Variants in MACROD2 observed in about 807,000 individuals in gnomAD.
The protein encoded by MACROD2 is mono-ADP ribosylhydrolase 2.
In MACROD2, 36 loss-of-function variants were observed where a neutral mutation model predicts 70.4. That is an observed-to-expected ratio of 0.51 (90% CI 0.39 to 0.68). MACROD2 has a LOEUF of 0.68. MACROD2 is among the 30% of genes least tolerant of loss of function. The pLI is 0.00. For missense variants in MACROD2, 496 were observed against 538.4 expected, an observed-to-expected ratio of 0.92 and a Z score of 0.78; for synonymous variants, 172 against 178.8, an observed-to-expected ratio of 0.96 and a Z score of 0.30.
chr20:14,437,772 C>A (rs998810790), intron 3 of MACROD2, among the ~76,000 whole-genome samples: 2 of 152,068 alleles, frequency 1.3e-5, no homozygotes, highest in African/African-American at 4.8e-5. Context: ...ACTCAAAATA[C>A]ATTTTCAGTA....
intron 17 of MACROD2, among the ~76,000 whole-genome samples, chr20:16,046,298 T>A (rs1770935717): frequency 6.6e-6 from 1 of 152,082 alleles, no homozygotes; most frequent in Non-Finnish European, 1.5e-5. Flanking sequence ...CTAAAAAGTA[T>A]AAGCTCATAC....
chr20:15,495,015 A>G (rs1273344391), intron 7 of MACROD2, among the ~76,000 whole-genome samples: 1 of 152,130 alleles, frequency 6.6e-6, no homozygotes, highest in Non-Finnish European at 1.5e-5. Context: ...TAAATTATTC[A>G]TGGCTTGTTC....
chr20:15,996,332 C>T (rs954812499), intron 15 of MACROD2, among the ~76,000 whole-genome samples: 7 of 152,038 alleles, frequency 4.6e-5, no homozygotes, highest in South Asian at 2.1e-4. Context: ...ACTGAGGTCT[C>T]GGTATCAACA....
chr20:14,483,563 C>T (rs1413977226), intron 3 of MACROD2, among the ~76,000 whole-genome samples: 3 of 152,038 alleles, frequency 2.0e-5, no homozygotes, highest in Non-Finnish European at 2.9e-5. Flanking sequence ...TGTGCCGCCA[C>T]GCCTGGCTTA....
chr20:14,550,506 C>T (rs1978582601), intron 4 of MACROD2, among the ~76,000 whole-genome samples: 4 of 152,124 alleles, frequency 2.6e-5, no homozygotes, highest in Admixed American at 2.6e-4. Flanking sequence ...GAAGAGAAGA[C>T]ATAAGTCTGT....
At chr20:15,410,052 T>A (rs2046055715) in intron 6 of MACROD2, among the ~76,000 whole-genome samples, 1 of 152,066 alleles carries the variant, frequency 6.6e-6, no homozygotes, top group African/African-American at 2.4e-5. Context: ...TCTTTTTCTT[T>A]AAAAAAAATC....
intron 8 of MACROD2, among the ~76,000 whole-genome samples, chr20:15,801,065 G>A (rs1362067917): frequency 6.7e-6 from 1 of 149,764 alleles, no homozygotes; most frequent in African/African-American, 2.5e-5. Flanking sequence ...AGTCCGCAGG[G>A]TCCTCTGCCT....
chr20:14,116,981 C>T (rs995355457), intron 3 of MACROD2, among the ~76,000 whole-genome samples: 1 of 150,834 alleles, frequency 6.6e-6, no homozygotes, highest in Non-Finnish European at 1.5e-5. Flanking sequence ...GCAGGAGAAT[C>T]GCTTGAACCC....
chr20:15,181,119 C>T (rs533463887), intron 5 of MACROD2, among the ~76,000 whole-genome samples: 1 of 152,298 alleles, frequency 6.6e-6, no homozygotes, highest in South Asian at 2.1e-4. Context: ...GCTGGCCCTG[C>T]AGAACCCGAG....
At chr20:15,836,436 G>A (rs2064115214) in intron 8 of MACROD2, among the ~76,000 whole-genome samples, 1 of 152,100 alleles carries the variant, frequency 6.6e-6, no homozygotes, top group African/African-American at 2.4e-5. Flanking sequence ...TCTATGGGAT[G>A]TTTTTTCCTT....
chr20:14,724,179 G>A (rs6110406), intron 5 of MACROD2, among the ~76,000 whole-genome samples: 2 of 151,980 alleles, frequency 1.3e-5, no homozygotes, highest in Non-Finnish European at 2.9e-5. Context: ...CTCAGACTAA[G>A]GTGTTTTTTT....
chr20:14,476,151 G>A (rs1338620253), intron 3 of MACROD2, among the ~76,000 whole-genome samples: 3 of 152,028 alleles, frequency 2.0e-5, no homozygotes, highest in Admixed American at 6.5e-5. Flanking sequence ...TAGAAATATT[G>A]TCTTTATAAA....
At chr20:14,942,386 T>C (rs868158555) in intron 5 of MACROD2, among the ~76,000 whole-genome samples, 1 of 151,940 alleles carries the variant, frequency 6.6e-6, no homozygotes, top group Non-Finnish European at 1.5e-5. Context: ...CCTCCTTTTT[T>C]TTTCTCCTTC....
rs138106886 is a variant in MACROD2, at chr20:14,679,014, T to G, written c.302-5829T>G. On this transcript the variant is annotated intron_variant, in intron 4 of 17. Coordinates refer to ENST00000684519, the MANE Select transcript of MACROD2 (RefSeq NM_001351661.2). ...TTAATTGAATCAAAATCAACTGTAT[T>G]AAGCAGTTACAGAGTCATTTATTAA... is the stretch of plus-strand genomic sequence containing the variant. Among the ~76,000 whole-genome samples the G allele has an allele frequency of 5.8e-3, 878 of 152,090 alleles. 9 individuals are homozygous for G. The highest frequency in any genetic ancestry group is 0.02 in the African/African-American group (820 of 41,514).
intron 5 of MACROD2, among the ~76,000 whole-genome samples, chr20:14,844,946 A>C (rs1010907029): frequency 6.6e-6 from 1 of 152,046 alleles, no homozygotes; most frequent in Admixed American, 6.5e-5. Flanking sequence ...TTTCTTAGAC[A>C]CAGTCTACCT....
At chr20:14,372,236 GAA>G (rs1370077040) in intron 3 of MACROD2, among the ~76,000 whole-genome samples, 1 of 151,848 alleles carries the variant, frequency 6.6e-6, no homozygotes, top group East Asian at 1.9e-4. Flanking sequence ...AATTTTACTA[GAA>G]AAAACATTTA....
At chr20:15,744,911 T>C (rs1329709189) in intron 8 of MACROD2, among the ~76,000 whole-genome samples, 1 of 151,730 alleles carries the variant, frequency 6.6e-6, no homozygotes. Context: ...TGTATAAATG[T>C]GAGTTGTATC....
intron 8 of MACROD2, among the ~76,000 whole-genome samples, chr20:15,667,574 T>G (rs2146829624): frequency 6.6e-6 from 1 of 152,314 alleles, no homozygotes; most frequent in East Asian, 1.9e-4. Context: ...ATGCTTCAAC[T>G]TGCATCTCCA....
intron 6 of MACROD2, among the ~76,000 whole-genome samples, chr20:15,284,363 A>C (rs1056759577): frequency 1.3e-5 from 2 of 152,124 alleles, no homozygotes; most frequent in African/African-American, 4.8e-5. Flanking sequence ...GTCATTGAAT[A>C]TGTTCCCTTT....
Sources: gnomAD v4.1 joint callset for allele counts (sites outside exome capture counted in the v4.1 genomes callset) on GRCh38, gnomAD v4.1.1 for gene constraint, MANE v1.5 for transcripts, NCBI Gene and HGNC (gene_info 2026-07-23, HGNC 2026-07-21) for gene names.